The following ADGB variants were observed in gnomAD, a reference collection of about 807,000 sequenced individuals.
ADGB encodes calpain-7-like protein.
Under a neutral mutation model 210.5 loss-of-function variants are expected in ADGB, and 172 were observed. The ratio of observed to expected loss-of-function variants is 0.82; its 90% CI spans 0.72 to 0.93. The LOEUF (loss-of-function observed/expected upper bound fraction) is 0.93, where lower values mean the gene tolerates loss of function less well. Among genes scored for constraint, ADGB ranks in the 40% least tolerant of loss-of-function variants. The pLI, the probability that ADGB is intolerant of heterozygous loss-of-function variation, is 0.00. For missense variants in ADGB, 2,025 were observed against 1,964.8 expected, an observed-to-expected ratio of 1.03 and a Z score of -0.58; for synonymous variants, 658 against 662.7, an observed-to-expected ratio of 0.99 and a Z score of 0.11.
chr6:146,815,426 T>G lies in ADGB; in HGVS notation c.*209T>G. On this transcript the variant is annotated 3_prime_UTR_variant, in exon 36 of 36. Transcript: ENST00000397944. ...GATGCTCTAATTTCAATAAAATAGC[T>G]TCCAAATATTTAATAAAATATGTTT... 3.1e-6 allele frequency: 1 copy of G among 319,228 alleles called. No individual in the cohort carries two copies. Among genetic ancestry groups the G allele is most frequent in the Non-Finnish European group, 5.6e-6 (1 of 180,180 alleles). 19.8% of individuals were successfully genotyped at this position (319,228 alleles called of 1,614,324 possible).
At chr6:146,677,359 G>A (rs1488600398) in intron 9 of ADGB, among the ~76,000 whole-genome samples, 2 of 151,780 alleles carry the variant, frequency 1.3e-5, no homozygotes, top group Admixed American at 1.3e-4. Context: ...AAAAATATGT[G>A]TTTTTACATC....
At chr6:146,811,169 A>G (rs1445173686) in intron 35 of ADGB, among the ~76,000 whole-genome samples, 1 of 152,146 alleles carries the variant, frequency 6.6e-6, no homozygotes, top group Non-Finnish European at 1.5e-5. Context: ...ACACATAGAA[A>G]CAACCTATTT....
intron 23 of ADGB, among the ~76,000 whole-genome samples, chr6:146,739,417 G>A (rs775187651): frequency 6.6e-6 from 1 of 152,128 alleles, no homozygotes; most frequent in Non-Finnish European, 1.5e-5. Flanking sequence ...AGGACTGTAA[G>A]TATAAACCAC....
chr6:146,717,536 A>G lies in ADGB; in HGVS notation c.1929A>G (p.Gln643=). 1 of 1,374,550 alleles carries G rather than the reference A, an allele frequency of 7.3e-7. No homozygotes were observed. Among genetic ancestry groups the G allele is most frequent in the South Asian group, 1.4e-5 (1 of 73,436 alleles). The allele number at this position is 1,374,550 out of a possible 1,614,324, so 85.1% of individuals were successfully genotyped here. ...CCTGTTAAAAATGTCTTTCTTTCAG[A>G]AATATATATATTTTCCACAAGCCAA... ...LDFEDFCVCF[Q]NIYIFHKPSS... is the part of the protein sequence containing the mutation. Residue 643 remains glutamine (Q), a splice_region_variant and synonymous_variant, in exon 16 of 36, where the codon CAA becomes CAG. Coordinates refer to ENST00000397944, the MANE Select transcript of ADGB (RefSeq NM_024694.4).
chr6:146,747,812 T>C (rs1258138588), intron 26 of ADGB, among the ~76,000 whole-genome samples: 1 of 147,498 alleles, frequency 6.8e-6, no homozygotes, highest in Non-Finnish European at 1.5e-5. Flanking sequence ...AGAGTCTCAC[T>C]CTGTCACCCA....
At chr6:146,799,071 A>AC (rs902192742) in intron 33 of ADGB, among the ~76,000 whole-genome samples, 6 of 150,898 alleles carry the variant, frequency 4.0e-5, no homozygotes, top group Non-Finnish European at 8.9e-5. Context: ...AAAAAAAAAA[A>AC]AAAAAAAACA....
intron 9 of ADGB, among the ~76,000 whole-genome samples, chr6:146,679,737 T>C (rs990256942): frequency 2.0e-5 from 3 of 152,328 alleles, no homozygotes; most frequent in Non-Finnish European, 4.4e-5. Flanking sequence ...GTAAAACTTA[T>C]TGAAAACTTT....
intron 19 of ADGB, among the ~76,000 whole-genome samples, chr6:146,727,677 G>A (rs1776917540): frequency 6.6e-6 from 1 of 152,128 alleles, no homozygotes; most frequent in Admixed American, 6.5e-5. Flanking sequence ...TGACCCAAGG[G>A]CAGAGAGACT....
chr6:146,654,306 T>A, intron 4 of ADGB, 100 bp downstream of exon 4: 4 of 648,102 alleles, frequency 6.2e-6, no homozygotes, highest in Non-Finnish European at 1.0e-5. Context: ...CTTGCTCACC[T>A]TTAAGTTTTG....
At chr6:146,812,527 G>A (rs985080356) in intron 35 of ADGB, among the ~76,000 whole-genome samples, 5 of 152,190 alleles carry the variant, frequency 3.3e-5, no homozygotes, top group Non-Finnish European at 5.9e-5. Flanking sequence ...ATTTTAATCA[G>A]TGCCCATGAA....
At chr6:146,688,599 AG>A (rs1256065958) in intron 10 of ADGB, among the ~76,000 whole-genome samples, 1 of 152,126 alleles carries the variant, frequency 6.6e-6, no homozygotes, top group Non-Finnish European at 1.5e-5. Flanking sequence ...GGGAAGTTTA[AG>A]GCTTAAGGTG....
At chr6:146,793,628 T>C (rs143800260) in intron 33 of ADGB, among the ~76,000 whole-genome samples, 6,286 of 151,938 alleles carry the variant, frequency 0.041, 428 homozygotes, top group African/African-American at 0.14. Context: ...GACAAGGAGG[T>C]TAAAAATACA....
At chr6:146,690,487 G>A (rs1460453758) in intron 10 of ADGB, among the ~76,000 whole-genome samples, 5 of 152,112 alleles carry the variant, frequency 3.3e-5, no homozygotes, top group Non-Finnish European at 7.4e-5. Context: ...TTGTTCAGCC[G>A]TAAATCAGTA....
chr6:146,667,453 A>T (rs569110517), intron 7 of ADGB, among the ~76,000 whole-genome samples: 4 of 152,006 alleles, frequency 2.6e-5, no homozygotes, highest in African/African-American at 9.6e-5. Flanking sequence ...GGTTTTTGTA[A>T]ATCTATATCT....
Position 146,721,414 on chromosome 6 carries a change from A to T in ADGB, c.2004A>T (p.Glu668Asp). The change falls in exon 17 of 36, where the codon GAA becomes GAT. Residue 668 changes from glutamate (E) to aspartate (D), a missense_variant. Transcript: ENST00000397944. ...FQKSEFKFSE[E>D]RVSYYLFVDS... ...CTAATTTCTTGCAGTTCTCAGAAGA[A>T]CGAGTGTCCTACTATCTATTTGTAG... is the stretch of plus-strand genomic sequence containing the variant. 1 of 1,547,946 alleles carries T rather than the reference A, an allele frequency of 6.5e-7. No individual in the cohort carries two copies. Among genetic ancestry groups the T allele is most frequent in the Non-Finnish European group, 8.7e-7 (1 of 1,143,554 alleles).
intron 11 of ADGB, among the ~76,000 whole-genome samples, 152 bp downstream of exon 11, chr6:146,691,442 A>AAATGTAT (rs1554231876): frequency 1.8e-5 from 1 of 55,018 alleles, no homozygotes; most frequent in Non-Finnish European, 2.7e-5. Context: ...ATATATATAT[A>AAATGTAT]AAAATATATA....
At chr6:146,687,086 T>A (rs1194215805) in intron 10 of ADGB, among the ~76,000 whole-genome samples, 1 of 152,138 alleles carries the variant, frequency 6.6e-6, no homozygotes, top group Non-Finnish European at 1.5e-5. Flanking sequence ...TATATAACAG[T>A]GTTCATAAGA....
chr6:146,637,101 C>A (rs564215934), intron 2 of ADGB, among the ~76,000 whole-genome samples: 1 of 152,082 alleles, frequency 6.6e-6, no homozygotes, highest in South Asian at 2.1e-4. Flanking sequence ...AAAGATTACC[C>A]TTAACTTCTT....
chr6:146,644,611 T>G (rs1201125188), intron 2 of ADGB, among the ~76,000 whole-genome samples, 162 bp from the exon 3 acceptor site: 1 of 151,946 alleles, frequency 6.6e-6, no homozygotes, highest in Non-Finnish European at 1.5e-5. Flanking sequence ...AATTCAGTAT[T>G]CTTTAAATAC....
Sources: gnomAD v4.1 joint callset for allele counts (sites outside exome capture counted in the v4.1 genomes callset) on GRCh38, gnomAD v4.1.1 for gene constraint, MANE v1.5 for transcripts, NCBI Gene and HGNC (gene_info 2026-07-23, HGNC 2026-07-21) for gene names.